NCOA2: variants seen among roughly 807,000 people sequenced by gnomAD.
The protein encoded by NCOA2 is class E basic helix-loop-helix protein 75.
NCOA2 carries 21 observed loss-of-function variants against 145.1 expected under a neutral mutation model. That is an observed-to-expected ratio of 0.14 (90% CI 0.10 to 0.21). The LOEUF (loss-of-function observed/expected upper bound fraction) is 0.21. Among genes scored for constraint, NCOA2 ranks in the 10% least tolerant of loss-of-function variants. NCOA2 has a pLI of 1.00. For missense variants in NCOA2, 1,472 were observed against 1,837.6 expected, an observed-to-expected ratio of 0.80 and a Z score of 3.64; for synonymous variants, 619 against 637.5, an observed-to-expected ratio of 0.97 and a Z score of 0.44.
At chr8:70,332,376 A>G (rs1807189793) in intron 1 of NCOA2, among the ~76,000 whole-genome samples, 1 of 152,188 alleles carries the variant, frequency 6.6e-6, no homozygotes, top group South Asian at 2.1e-4. Context: ...CTACACTTGA[A>G]TATGTTCCAC....
chr8:70,434,912 A>G, the NCOA2 span, among the ~76,000 whole-genome samples: 1 of 152,150 alleles, frequency 6.6e-6, no homozygotes, highest in Non-Finnish European at 1.5e-5. Flanking sequence ...ATCTGAGATT[A>G]CAGGTGTAAC....
chr8:70,386,914 T>C (rs1397136517), intron 1 of NCOA2, among the ~76,000 whole-genome samples: 1 of 151,034 alleles, frequency 6.6e-6, no homozygotes, highest in African/African-American at 2.5e-5. Context: ...TTAATATTTT[T>C]AGTTTTTTTT....
intron 4 of NCOA2, 70 bp from the exon 5 acceptor site, chr8:70,174,929 T>C (rs1240163078): frequency 7.1e-7 from 1 of 1,402,364 alleles, no homozygotes; most frequent in Non-Finnish European, 1.0e-6. Flanking sequence ...GAAATGTTTT[T>C]ACTGTAATGA....
intron 1 of NCOA2, among the ~76,000 whole-genome samples, chr8:70,340,882 G>A (rs1369204336): frequency 6.6e-6 from 1 of 152,078 alleles, no homozygotes; most frequent in Non-Finnish European, 1.5e-5. Flanking sequence ...TGAATGATAA[G>A]AACACATGGA....
At chr8:70,277,141 C>T (rs915341374) in intron 2 of NCOA2, among the ~76,000 whole-genome samples, 4 of 152,040 alleles carry the variant, frequency 2.6e-5, no homozygotes, top group Admixed American at 1.3e-4. Flanking sequence ...CTAAAGCAGG[C>T]GTTTTTGTTT....
chr8:70,152,470 AC>A (rs1178385947), intron 11 of NCOA2, among the ~76,000 whole-genome samples: 1 of 152,246 alleles, frequency 6.6e-6, no homozygotes, highest in African/African-American at 2.4e-5. Flanking sequence ...TTTTCAGGAC[AC>A]TATCAGTTTA....
intron 1 of NCOA2, among the ~76,000 whole-genome samples, chr8:70,300,955 C>G (rs1177360864): frequency 6.6e-6 from 1 of 152,120 alleles, no homozygotes; most frequent in Non-Finnish European, 1.5e-5. Context: ...CTTATAGATA[C>G]AGAAACCTAA....
chr8:70,311,411 A>G (rs1371675209), intron 1 of NCOA2, among the ~76,000 whole-genome samples: 2 of 152,190 alleles, frequency 1.3e-5, no homozygotes, highest in Non-Finnish European at 2.9e-5. Flanking sequence ...TTACATAGTA[A>G]TTTGTCAGAA....
chr8:70,114,267 C>CT (rs1168886372), intron 22 of NCOA2, among the ~76,000 whole-genome samples: 31 of 152,150 alleles, frequency 2.0e-4, no homozygotes, highest in African/African-American at 7.5e-4. Flanking sequence ...CTCAAGTGAT[C>CT]TGCCCGCCTT....
intron 4 of NCOA2, among the ~76,000 whole-genome samples, chr8:70,208,834 C>G (rs1443004252): frequency 6.6e-6 from 1 of 152,118 alleles, no homozygotes; most frequent in Non-Finnish European, 1.5e-5. Context: ...GGCAATGGAC[C>G]CAGTCACCCA....
intron 18 of NCOA2, among the ~76,000 whole-genome samples, chr8:70,127,747 G>A (rs1294270736): frequency 4.6e-5 from 7 of 152,178 alleles, no homozygotes; most frequent in Non-Finnish European, 8.8e-5. Context: ...ACAGTCATTC[G>A]TAGACATGAG....
At chr8:70,209,387 C>T (rs1818786887) in intron 4 of NCOA2, among the ~76,000 whole-genome samples, 1 of 152,166 alleles carries the variant, frequency 6.6e-6, no homozygotes, top group South Asian at 2.1e-4. Context: ...TAGAATATTC[C>T]ATAAACTTAG....
At chr8:70,416,200 T>TTTG in the NCOA2 span, among the ~76,000 whole-genome samples, 1 of 151,130 alleles carries the variant, frequency 6.6e-6, no homozygotes, top group African/African-American at 2.4e-5. Flanking sequence ...TTTTTGTTTT[T>TTTG]TTTTTTTTTC....
At chr8:70,123,269 TGAAG>T (rs1772178471) in intron 21 of NCOA2, among the ~76,000 whole-genome samples, 2 of 152,244 alleles carry the variant, frequency 1.3e-5, no homozygotes, top group Admixed American at 6.5e-5. Flanking sequence ...TTTGCATAAA[TGAAG>T]GATCATTTCA....
intron 1 of NCOA2, among the ~76,000 whole-genome samples, chr8:70,397,856 C>A (rs1209989780): frequency 6.6e-6 from 1 of 152,128 alleles, no homozygotes; most frequent in Non-Finnish European, 1.5e-5. Flanking sequence ...GAAAAGACAA[C>A]CCAAACCCAA....
intron 1 of NCOA2, among the ~76,000 whole-genome samples, chr8:70,324,817 C>T (rs1806407654): frequency 6.6e-6 from 1 of 152,130 alleles, no homozygotes; most frequent in South Asian, 2.1e-4. Flanking sequence ...CAAATGCAGT[C>T]AGTTCTACCT....
At chr8:70,281,623 A>G (rs890573904) in intron 2 of NCOA2, among the ~76,000 whole-genome samples, 1 of 152,164 alleles carries the variant, frequency 6.6e-6, no homozygotes, top group Non-Finnish European at 1.5e-5. Context: ...TAGCAGCAAA[A>G]GTAACAACAC....
rs186182028 is a variant in NCOA2, at chr8:70,343,112, C to G, written c.-76-46312G>C. ...GTCATTGCAAATACATTAGCAAGTGCCTAAAGTTGTAACTCCATAGGTTAG... is the reference window on the plus strand; with the variant it reads ...GTCATTGCAAATACATTAGCAAGTGGCTAAAGTTGTAACTCCATAGGTTAG... On this transcript the variant is annotated intron_variant, in intron 1 of 22. Transcript: ENST00000452400. Among the ~76,000 whole-genome samples, 729 of 152,130 alleles carry G rather than the reference C, an allele frequency of 4.8e-3. 5 individuals are homozygous for G. Among genetic ancestry groups the G allele is most frequent in the African/African-American group, 0.017 (700 of 41,486 alleles).
intron 2 of NCOA2, among the ~76,000 whole-genome samples, chr8:70,232,111 AT>A (rs991480340): frequency 6.6e-6 from 1 of 151,930 alleles, no homozygotes; most frequent in Non-Finnish European, 1.5e-5. Flanking sequence ...TTTGAACACC[AT>A]TTTTTTGGTC....
Sources: gnomAD v4.1 joint callset for allele counts (sites outside exome capture counted in the v4.1 genomes callset) on GRCh38, gnomAD v4.1.1 for gene constraint, MANE v1.5 for transcripts, NCBI Gene and HGNC (gene_info 2026-07-23, HGNC 2026-07-21) for gene names.